The following SEM1 variants were observed in gnomAD, a reference collection of about 807,000 sequenced individuals.
The protein encoded by SEM1 is 26S proteasome complex subunit SEM1.
In SEM1, 3 loss-of-function variants were observed where a neutral mutation model predicts 12.7. The observed-to-expected ratio is 0.24, with a 90% CI of 0.11 to 0.61. The LOEUF is 0.61. Among genes scored for constraint, SEM1 ranks in the 20% least tolerant of loss-of-function variants. SEM1 has a pLI of 0.88. For missense variants in SEM1, 59 were observed against 81.3 expected (o/e 0.73, Z 1.06); for synonymous variants, 30 against 27.8 (o/e 1.08, Z -0.25).
chr7:96,486,156 T>G (rs772321142), intron 2 of SEM1: 2 of 1,426,848 alleles, frequency 1.4e-6, no homozygotes, highest in Non-Finnish European at 1.9e-6. Flanking sequence ...GAGTTAATTT[T>G]TTTTCTACCT....
At chr7:96,593,432 A>G (rs1251584685) in intron 2 of SEM1, among the ~76,000 whole-genome samples, 1 of 152,150 alleles carries the variant, frequency 6.6e-6, no homozygotes. Context: ...ATTCAATTAA[A>G]CATAAAACAT....
chr7:96,509,941 C>T (rs1476965832), intron 2 of SEM1, among the ~76,000 whole-genome samples: 1 of 151,956 alleles, frequency 6.6e-6, no homozygotes, highest in Non-Finnish European at 1.5e-5. Context: ...ATACTTTCAG[C>T]TGGAATAGAT....
intron 2 of SEM1, among the ~76,000 whole-genome samples, chr7:96,614,024 C>T (rs546986892): frequency 6.6e-6 from 1 of 152,198 alleles, no homozygotes; most frequent in Non-Finnish European, 1.5e-5. Flanking sequence ...GAAGACATCT[C>T]TTCAACATAC....
chr7:96,679,031 A>G (rs1347044474), intron 2 of SEM1, among the ~76,000 whole-genome samples: 1 of 152,170 alleles, frequency 6.6e-6, no homozygotes. Flanking sequence ...AATATAAAAT[A>G]TGAAGAAACT....
intron 2 of SEM1, among the ~76,000 whole-genome samples, chr7:96,652,138 G>C (rs1809012614): frequency 6.6e-6 from 1 of 152,156 alleles, no homozygotes; most frequent in Admixed American, 6.6e-5. Flanking sequence ...TCATTTAAAT[G>C]CAATTGAATC....
At chr7:96,689,070 C>T (rs890782210) in intron 2 of SEM1, 104 bp from the exon 3 acceptor site, 1 of 636,596 alleles carries the variant, frequency 1.6e-6, no homozygotes, top group African/African-American at 1.9e-5. Context: ...CCTGAGACAT[C>T]AATTTACAAT....
chr7:96,646,412 G>A (rs1027344171), intron 2 of SEM1, among the ~76,000 whole-genome samples: 1 of 151,992 alleles, frequency 6.6e-6, no homozygotes, highest in African/African-American at 2.4e-5. Context: ...TTATGTTCTG[G>A]GACCACAGTG....
intron 2 of SEM1, among the ~76,000 whole-genome samples, chr7:96,651,924 A>T (rs1031351858): frequency 6.6e-6 from 1 of 152,178 alleles, no homozygotes; most frequent in Non-Finnish European, 1.5e-5. Flanking sequence ...CACTGGCCTC[A>T]AGTCTGGAAA....
At chr7:96,589,341 T>C (rs1432422485) in intron 2 of SEM1, among the ~76,000 whole-genome samples, 1 of 152,184 alleles carries the variant, frequency 6.6e-6, no homozygotes, top group Non-Finnish European at 1.5e-5. Flanking sequence ...AGAGCACACA[T>C]TGAGGCTTGG....
intron 1 of SEM1, among the ~76,000 whole-genome samples, chr7:96,702,473 A>C (rs1033565994): frequency 7.2e-5 from 11 of 152,236 alleles, no homozygotes; most frequent in African/African-American, 2.7e-4. Context: ...CACAAAGAAT[A>C]ATGGAGACAT....
chr7:96,524,859 T>G (rs1033364588), intron 2 of SEM1, among the ~76,000 whole-genome samples: 1 of 152,148 alleles, frequency 6.6e-6, no homozygotes, highest in African/African-American at 2.4e-5. Context: ...AAACACAGAT[T>G]TATACCAAGT....
chr7:96,657,576 G>T (rs1399049301), intron 2 of SEM1, among the ~76,000 whole-genome samples: 1 of 152,082 alleles, frequency 6.6e-6, no homozygotes, highest in African/African-American at 2.4e-5. Flanking sequence ...CCAACAGAAG[G>T]AATTGCAAAT....
intron 2 of SEM1, among the ~76,000 whole-genome samples, chr7:96,520,795 A>T (rs1369374773): frequency 6.6e-6 from 1 of 152,110 alleles, no homozygotes; most frequent in Non-Finnish European, 1.5e-5. Flanking sequence ...TCAGGAGAAG[A>T]CAGAGGCTAG....
chr7:96,545,770 G>A (rs868683383), intron 2 of SEM1, among the ~76,000 whole-genome samples: 2 of 151,974 alleles, frequency 1.3e-5, no homozygotes, highest in Non-Finnish European at 2.9e-5. Context: ...CAAACAATAG[G>A]ATGGATGTTT....
intron 2 of SEM1, among the ~76,000 whole-genome samples, chr7:96,690,545 T>C (rs930862656): frequency 6.6e-6 from 1 of 151,652 alleles, no homozygotes; most frequent in Non-Finnish European, 1.5e-5. Context: ...AGTGGAAAAA[T>C]CAACAAAGAC....
At chr7:96,663,579 G>T (rs1403931169) in intron 2 of SEM1, among the ~76,000 whole-genome samples, 3 of 152,186 alleles carry the variant, frequency 2.0e-5, no homozygotes, top group Non-Finnish European at 4.4e-5. Context: ...CCCTGGGCAG[G>T]CTTCAGTACC....
At chr7:96,492,598 T>A (rs1347708386) in intron 1 of SEM1, among the ~76,000 whole-genome samples, 1 of 142,496 alleles carries the variant, frequency 7.0e-6, no homozygotes, top group African/African-American at 2.6e-5. Flanking sequence ...TTTTTTTTTT[T>A]TTTTTTTTTT....
At chr7:96,648,152 G>A (rs1469940301) in intron 2 of SEM1, among the ~76,000 whole-genome samples, 1 of 152,138 alleles carries the variant, frequency 6.6e-6, no homozygotes, top group East Asian at 1.9e-4. Flanking sequence ...AGGGGAAAAT[G>A]GCATTCACAA....
At chr7:96,615,239 A>ATTTTG in intron 2 of SEM1, among the ~76,000 whole-genome samples, 1 of 98,142 alleles carries the variant, frequency 1.0e-5, no homozygotes, top group Non-Finnish European at 1.9e-5. Context: ...TTTTTGAGTC[A>ATTTTG]TCTTTTTTTT....
Sources: gnomAD v4.1 joint callset for allele counts (sites outside exome capture counted in the v4.1 genomes callset) on GRCh38, gnomAD v4.1.1 for gene constraint, MANE v1.5 for transcripts, NCBI Gene and HGNC (gene_info 2026-07-23, HGNC 2026-07-21) for gene names.